NCAM2: variants seen among roughly 807,000 people sequenced by gnomAD.
NCAM2 encodes the protein N-CAM-2.
NCAM2 carries 30 observed loss-of-function variants against 98.1 expected under a neutral mutation model. That is an observed-to-expected ratio of 0.31 (90% CI 0.23 to 0.41). The LOEUF (loss-of-function observed/expected upper bound fraction) is 0.41. Ranked by LOEUF, NCAM2 falls within the 10% of genes least tolerant of loss-of-function variation. NCAM2 has a pLI of 1.00. For missense variants in NCAM2, 867 were observed against 1,005.8 expected (o/e 0.86, Z 1.87); for synonymous variants, 368 against 342.4 (o/e 1.07, Z -0.83).
intron 1 of NCAM2, among the ~76,000 whole-genome samples, chr21:21,200,658 CTTGTATT>C (rs1874226280): frequency 6.7e-6 from 1 of 150,320 alleles, no homozygotes; most frequent in Admixed American, 6.6e-5. Flanking sequence ...ACACTGCTAT[CTTGTATT>C]TTACAGGAAA....
At chr21:21,365,645 A>G (rs185370172) in intron 8 of NCAM2, among the ~76,000 whole-genome samples, 248 of 152,160 alleles carry the variant, frequency 1.6e-3, no homozygotes, top group Middle Eastern at 6.8e-3. Flanking sequence ...TACCCGATCA[A>G]TTGTTTTAAT....
intron 10 of NCAM2, among the ~76,000 whole-genome samples, chr21:21,415,992 C>T (rs1602272788): frequency 6.6e-6 from 1 of 152,164 alleles, no homozygotes; most frequent in African/African-American, 2.4e-5. Context: ...TCTCTCTTCA[C>T]ATTTACCACT....
At chr21:21,327,429 G>A (rs995505464) in intron 6 of NCAM2, among the ~76,000 whole-genome samples, 1 of 151,826 alleles carries the variant, frequency 6.6e-6, no homozygotes, top group Non-Finnish European at 1.5e-5. Flanking sequence ...AGAGAGTTCT[G>A]GTTATCTTCC....
chr21:21,077,348 G>C (rs967289992), intron 1 of NCAM2, among the ~76,000 whole-genome samples: 39 of 152,112 alleles, frequency 2.6e-4, no homozygotes, highest in Non-Finnish European at 5.9e-5. Context: ...CTTCATTTTA[G>C]TGATTATTGG....
intron 10 of NCAM2, among the ~76,000 whole-genome samples, chr21:21,415,723 C>A (rs965460660): frequency 6.6e-6 from 1 of 152,188 alleles, no homozygotes; most frequent in Non-Finnish European, 1.5e-5. Context: ...AAGATGGCTT[C>A]TTCCCTTAAG....
rs2067298066 is a variant in NCAM2, at chr21:21,147,054, C to CTGCCTTCTGCTCCGGAACTCATACCCTT, written c.56-133516_56-133515insGCTCCGGAACTCATACCCTTTGCCTTCT. 3.6e-6 allele frequency: 2 copies of CTGCCTTCTGCTCCGGAACTCATACCCTT among 553,974 alleles called. 1 individual carries two copies. Among genetic ancestry groups the CTGCCTTCTGCTCCGGAACTCATACCCTT allele is most frequent in the Admixed American group, 1.4e-4 (2 of 13,914 alleles). 34.3% of individuals were successfully genotyped at this position (553,974 alleles called of 1,614,324 possible). A position where few individuals can be genotyped will look rare whatever the true frequency, so the allele number is the denominator to read the frequency against. On this transcript the variant is annotated intron_variant, in intron 1 of 17. Coordinates refer to ENST00000400546, the MANE Select transcript of NCAM2 (RefSeq NM_004540.5). ...CTGTCCCACTCCGGAACTCATACGG[C>CTGCCTTCTGCTCCGGAACTCATACCCTT]TGCCTTCTACTCCGGAACTGATACC...
intron 1 of NCAM2, among the ~76,000 whole-genome samples, chr21:21,206,359 A>G (rs1397990009): frequency 6.6e-6 from 1 of 152,156 alleles, no homozygotes; most frequent in East Asian, 1.9e-4. Flanking sequence ...ACAGCCTTCA[A>G]AAACTTATTT....
chr21:21,535,824 C>G (rs1403099424), intron 17 of NCAM2, among the ~76,000 whole-genome samples: 1 of 152,002 alleles, frequency 6.6e-6, no homozygotes, highest in Non-Finnish European at 1.5e-5. Flanking sequence ...GAAAATTAAT[C>G]ACCAATATAA....
chr21:21,367,622 G>A (rs1191838940), intron 8 of NCAM2, among the ~76,000 whole-genome samples: 3 of 151,926 alleles, frequency 2.0e-5, no homozygotes, highest in African/African-American at 2.4e-5. Context: ...AAATAGATGG[G>A]TGTATGAAAC....
intron 9 of NCAM2, among the ~76,000 whole-genome samples, chr21:21,387,187 T>TACAC (rs61585220): frequency 0.029 from 3,458 of 121,250 alleles, 73 homozygotes; most frequent in African/African-American, 0.063. Context: ...CACACACACA[T>TACAC]ACACACACAC....
intron 6 of NCAM2, among the ~76,000 whole-genome samples, chr21:21,331,281 C>T (rs1198157764): frequency 6.6e-6 from 1 of 151,342 alleles, no homozygotes; most frequent in Non-Finnish European, 1.5e-5. Context: ...GGACTATAGA[C>T]ATGCGCCACA....
chr21:21,314,576 G>T lies in NCAM2; in HGVS notation c.620-9807G>T, dbSNP rs116118653. Among the ~76,000 whole-genome samples, 324 of 152,092 alleles carry T rather than the reference G, an allele frequency of 2.1e-3. 2 individuals are homozygous for T. Among genetic ancestry groups the T allele is most frequent in the African/African-American group, 7.4e-3 (306 of 41,522 alleles). ...GTATATACCTACATTATTTTGTCCT[G>T]GTCGTCTTTCTCTTTTCCTTCTTGG... On this transcript the variant is annotated intron_variant, in intron 5 of 17. Coordinates refer to ENST00000400546, the MANE Select transcript of NCAM2 (RefSeq NM_004540.5).
intron 15 of NCAM2, among the ~76,000 whole-genome samples, chr21:21,499,310 C>T (rs980408928): frequency 1.3e-5 from 2 of 152,220 alleles, no homozygotes; most frequent in Admixed American, 6.5e-5. Flanking sequence ...GGCGTGATCT[C>T]GGCTCACTGC....
intron 1 of NCAM2, among the ~76,000 whole-genome samples, chr21:21,090,789 G>A (rs1336573858): frequency 1.3e-5 from 2 of 152,124 alleles, no homozygotes; most frequent in African/African-American, 4.8e-5. Context: ...CAACCCTCTA[G>A]ACAAACTCTG....
At chr21:21,470,236 A>G (rs1984266842) in intron 14 of NCAM2, among the ~76,000 whole-genome samples, 1 of 152,108 alleles carries the variant, frequency 6.6e-6, no homozygotes, top group South Asian at 2.1e-4. Flanking sequence ...AAATAATGAC[A>G]TTTTAGACAG....
intron 1 of NCAM2, among the ~76,000 whole-genome samples, chr21:21,147,434 G>C (rs1025894738): frequency 6.6e-6 from 1 of 151,694 alleles, no homozygotes; most frequent in South Asian, 2.1e-4. Flanking sequence ...TTTTGAGACA[G>C]GGTCTTGCCC....
intron 16 of NCAM2, among the ~76,000 whole-genome samples, chr21:21,528,804 A>T (rs1416594536): frequency 6.6e-6 from 1 of 152,146 alleles, no homozygotes; most frequent in East Asian, 1.9e-4. Context: ...ATACTGAATT[A>T]CACTAATCTA....
chr21:21,003,704 GA>G (rs944191230), intron 1 of NCAM2, among the ~76,000 whole-genome samples: 2 of 151,950 alleles, frequency 1.3e-5, no homozygotes, highest in Admixed American at 6.5e-5. Flanking sequence ...TCTGTGATTA[GA>G]AAAAAATATC....
At chr21:21,254,909 TG>T (rs2071608773) in intron 1 of NCAM2, among the ~76,000 whole-genome samples, 1 of 147,668 alleles carries the variant, frequency 6.8e-6, no homozygotes, top group African/African-American at 2.5e-5. Context: ...TGTGTGTGTG[TG>T]TGTGTGTGTG....
Sources: allele counts gnomAD v4.1 joint callset (sites outside exome capture counted in the v4.1 genomes callset), GRCh38; gene constraint gnomAD v4.1.1; transcripts MANE v1.5; gene names NCBI Gene and HGNC (gene_info 2026-07-23, HGNC 2026-07-21).